The following FARP2 variants were observed in gnomAD, a reference collection of about 807,000 sequenced individuals.
FARP2 encodes the protein FERM, ARHGEF and pleckstrin domain-containing protein 2.
A neutral mutation model predicts 130.5 loss-of-function variants in FARP2; 111 were observed. The ratio of observed to expected loss-of-function variants is 0.85; its 90% CI spans 0.73 to 1.00. The LOEUF (loss-of-function observed/expected upper bound fraction) is 1.00, where lower values mean the gene tolerates loss of function less well. Ranked by LOEUF, FARP2 falls within the 50% of genes least tolerant of loss-of-function variation. The pLI is 0.00. For missense variants in FARP2, 1,385 were observed against 1,346.3 expected (o/e 1.03, Z -0.45); for synonymous variants, 504 against 516.9 (o/e 0.98, Z 0.34).
At chr2:241,383,174 G>A (rs1026134226) in intron 2 of FARP2, among the ~76,000 whole-genome samples, 61 of 152,192 alleles carry the variant, frequency 4.0e-4, no homozygotes, top group Admixed American at 1.2e-3. Context: ...CTCTGCCGTC[G>A]GAGCTGGGAG....
At position 241,431,897 on chromosome 2, in the gene FARP2, C is replaced by T. The variant is rs966231926; in HGVS notation, c.867+123C>T. The stretch of plus-strand genomic sequence containing the variant: ...GTGCAATGGCATGATCTCGGCTCAC[C>T]GCAACCCTCTGCCTCCCGGGTTCAA... On this transcript the variant is annotated intron_variant, in intron 9 of 26. Coordinates refer to ENST00000264042, the MANE Select transcript of FARP2 (RefSeq NM_014808.4). 8 of 253,918 alleles carry T rather than the reference C, an allele frequency of 3.2e-5. No individual in the cohort carries two copies. In the Admixed American group the frequency reaches 3.3e-4, roughly 11 times the overall value. 15.7% of individuals were successfully genotyped at this position (253,918 alleles called of 1,614,324 possible). A position where few individuals can be genotyped will look rare whatever the true frequency, so the allele number is the denominator to read the frequency against.
chr2:241,454,667 G>A (rs1157128051), intron 13 of FARP2, among the ~76,000 whole-genome samples: 1 of 152,224 alleles, frequency 6.6e-6, no homozygotes, highest in African/African-American at 2.4e-5. Flanking sequence ...AGTATGTGAG[G>A]CAAGGCGGAA....
At position 241,479,272 on chromosome 2, in the gene FARP2, A is replaced by G. The variant is rs188636358; in HGVS notation, c.2262+3285A>G. ...CAGATGCTCCCAGTCAGCCCACTCA[A>G]TCCCCGAAGATCATGTAAAGGACAG... On this transcript the variant is annotated intron_variant, in intron 19 of 26. Coordinates refer to ENST00000264042, the MANE Select transcript of FARP2 (RefSeq NM_014808.4). Among the ~76,000 whole-genome samples the G allele has an allele frequency of 2.6e-3, 398 of 152,322 alleles. 3 individuals are homozygous for G. The highest frequency in any genetic ancestry group is 9.1e-3 in the African/African-American group (377 of 41,562).
chr2:241,423,116 C>T (rs922498648), intron 8 of FARP2, among the ~76,000 whole-genome samples: 1 of 152,142 alleles, frequency 6.6e-6, no homozygotes, highest in African/African-American at 2.4e-5. Context: ...CAGAGAACCC[C>T]AGTAAGATAC....
chr2:241,437,674 T>TTTTTTTA lies in FARP2; in HGVS notation c.1158+1142_1158+1143insATTTTTT, dbSNP rs1574825056. Among the ~76,000 whole-genome samples the TTTTTTTA allele has an allele frequency of 1.1e-4, 15 of 136,258 alleles. No homozygotes were observed. In the East Asian group the frequency reaches 1.2e-3, roughly 11 times the overall value. The allele number at this position is 136,258 out of a possible 152,430, so 89.4% of individuals were successfully genotyped here. Reference sequence around the variant, plus strand: ...TATTTATTTATTTATTTATTTATTTTTTTTTTTTGAGACGGAGTCTTGCTC... The same window carrying TTTTTTTA: ...TATTTATTTATTTATTTATTTATTTTTTTTTTATTTTTTTTGAGACGGAGTCTTGCTC... On this transcript the variant is annotated intron_variant, in intron 12 of 26. Coordinates refer to ENST00000264042, the MANE Select transcript of FARP2 (RefSeq NM_014808.4).
At chr2:241,454,195 C>T (rs1320637919) in intron 13 of FARP2, among the ~76,000 whole-genome samples, 2 of 152,046 alleles carry the variant, frequency 1.3e-5, no homozygotes, top group Non-Finnish European at 2.9e-5. Context: ...GTGAGTATGC[C>T]GTTTCCTCAA....
In FARP2 at chr2:241,482,622, C is replaced by T. The variant is rs1351828153; in HGVS notation, c.2263-843C>T. ...TGTGGGGTGGACGTTTCTGTTTGGG[C>T]TGGTTTTTCATCCTGCGTTTCTGTG... On this transcript the variant is annotated intron_variant, in intron 19 of 26. Transcript: ENST00000264042. The surrounding 1 kb of genome is among the most constrained non-coding windows in gnomAD (Gnocchi z 4.6). Among the ~76,000 whole-genome samples, 1 of 152,150 alleles carries T rather than the reference C, an allele frequency of 6.6e-6. No homozygotes were observed. The highest frequency in any genetic ancestry group is 2.4e-5 in the African/African-American group (1 of 41,422).
Position 241,413,351 on chromosome 2 carries a change from A to C in FARP2, c.553A>C (p.Lys185Gln). The change falls in exon 7 of 27, where the codon AAA (lysine) becomes CAA (glutamine). Residue 185 changes from lysine (K) to glutamine (Q), a missense_variant. Coordinates refer to ENST00000264042, the MANE Select transcript of FARP2 (RefSeq NM_014808.4). ...YDETLDREHL[K>Q]VNEYLPGQQH... ...TGAAACGCTGGACCGAGAGCACCTC[A>C]AAGTGAACGAGTATTTGCCTGGCCA... 6.2e-7 allele frequency: 1 copy of C among 1,612,808 alleles called. No individual in the cohort carries two copies. The highest frequency in any genetic ancestry group is 2.2e-5 in the East Asian group (1 of 44,882).
chr2:241,442,463 T>C (rs1174661626), intron 13 of FARP2: 1 of 455,792 alleles, frequency 2.2e-6, no homozygotes, highest in Non-Finnish European at 4.4e-6. Flanking sequence ...GGAGAAAGAG[T>C]CCCTTTTGAT....
intron 20 of FARP2, chr2:241,483,753 C>T: frequency 1.0e-6 from 1 of 974,682 alleles, no homozygotes; most frequent in Non-Finnish European, 1.2e-6. Context: ...CAGGGCCAGC[C>T]TCCTTCTTCA....
intron 5 of FARP2, among the ~76,000 whole-genome samples, chr2:241,408,191 T>A (rs977461463): frequency 6.6e-6 from 1 of 152,088 alleles, no homozygotes; most frequent in Admixed American, 6.6e-5. Flanking sequence ...AACACAGTTT[T>A]GAAACCCCGT....
At chr2:241,413,841 G>A (rs1427154308) in intron 7 of FARP2, among the ~76,000 whole-genome samples, 2 of 151,920 alleles carry the variant, frequency 1.3e-5, no homozygotes, top group African/African-American at 4.8e-5. Context: ...TACTCAGGAG[G>A]TGAGGCAGGA....
intron 18 of FARP2, chr2:241,471,375 C>G (rs914012710): frequency 6.7e-6 from 1 of 150,270 alleles, no homozygotes; most frequent in Non-Finnish European, 1.5e-5. Flanking sequence ...CTGTGGAAAC[C>G]CTGTTCTGAG....
chr2:241,468,489 C>T, intron 18 of FARP2, 112 bp downstream of exon 18: 2 of 754,538 alleles, frequency 2.7e-6, no homozygotes, highest in Non-Finnish European at 4.5e-6. Context: ...GGAGTCCACC[C>T]CATTAGGGCC....
chr2:241,371,123 A>G (rs2061415410), intron 1 of FARP2, among the ~76,000 whole-genome samples: 3 of 152,204 alleles, frequency 2.0e-5, no homozygotes, highest in Admixed American at 6.5e-5. Context: ...TTTGTGGGTA[A>G]GGTTTAAGTG....
At chr2:241,440,222 G>A (rs76092095) in intron 12 of FARP2, among the ~76,000 whole-genome samples, 5,202 of 152,290 alleles carry the variant, frequency 0.034, 293 homozygotes, top group African/African-American at 0.12. Flanking sequence ...TGCACAAAAA[G>A]TTATTCAGTT....
Position 241,373,324 on chromosome 2 carries a change from T to C in FARP2, c.183+34T>C, listed in dbSNP as rs1476386204. On this transcript the variant is annotated intron_variant, in intron 2 of 26. Transcript: ENST00000264042. The stretch of plus-strand genomic sequence containing the variant: ...CATGATTTTTGGAGGCATATTTCCT[T>C]ATATCTTCTAACAGTCAAATTATGT... 5 of 1,318,466 alleles carry C rather than the reference T, an allele frequency of 3.8e-6. No individual in the cohort carries two copies. The African/African-American group carries it at 7.5e-5, about 20-fold the overall frequency. The allele number at this position is 1,318,466 out of a possible 1,614,324, so 81.7% of individuals were successfully genotyped here.
intron 2 of FARP2, among the ~76,000 whole-genome samples, chr2:241,402,836 T>TTATATA (rs1215612816): frequency 5.7e-3 from 96 of 16,764 alleles, no homozygotes; most frequent in Middle Eastern, 0.024. Context: ...CCCAGCTAAT[T>TTATATA]TATATATATA....
At chr2:241,436,293 C>T (rs914247661) in intron 11 of FARP2, among the ~76,000 whole-genome samples, 188 bp from the exon 12 acceptor site, 5 of 152,148 alleles carry the variant, frequency 3.3e-5, no homozygotes, top group African/African-American at 9.7e-5. Context: ...AATCTTACCT[C>T]TCTTGGGACC....
Sources: gnomAD v4.1 joint callset for allele counts (sites outside exome capture counted in the v4.1 genomes callset) on GRCh38, gnomAD v4.1.1 for gene constraint, Gnocchi (gnomAD v3.1) non-coding constraint, MANE v1.5 for transcripts, NCBI Gene and HGNC (gene_info 2026-07-23, HGNC 2026-07-21) for gene names.